Variants in SSBP3 observed in about 807,000 individuals in gnomAD.
SSBP3 encodes single-stranded DNA-binding protein 3.
Under a neutral mutation model 69.6 loss-of-function variants are expected in SSBP3, and 5 were observed. The ratio of observed to expected loss-of-function variants is 0.07; its 90% CI spans 0.04 to 0.15. The LOEUF (loss-of-function observed/expected upper bound fraction) is 0.15. Ranked by LOEUF, SSBP3 falls within the 10% of genes least tolerant of loss-of-function variation. SSBP3 has a pLI of 1.00. For missense variants in SSBP3, 312 were observed against 534.0 expected (o/e 0.58, Z 4.10); for synonymous variants, 196 against 193.4 (o/e 1.01, Z -0.11).
chr1:54,351,659 G>T (rs943565937), intron 4 of SSBP3, among the ~76,000 whole-genome samples: 1 of 152,180 alleles, frequency 6.6e-6, no homozygotes, highest in Non-Finnish European at 1.5e-5. Context: ...CTGGCGTGTG[G>T]GATATTCACC....
chr1:54,324,358 C>T (rs182968391), intron 4 of SSBP3, among the ~76,000 whole-genome samples: 33 of 152,320 alleles, frequency 2.2e-4, no homozygotes, highest in Admixed American at 5.2e-4. Flanking sequence ...CAGCATGAGG[C>T]TCGGCTTCTG....
At chr1:54,271,337 G>A (rs1460910400) in intron 5 of SSBP3, among the ~76,000 whole-genome samples, 2 of 152,154 alleles carry the variant, frequency 1.3e-5, no homozygotes, top group Non-Finnish European at 2.9e-5. Context: ...TTTCAAACTG[G>A]CTGCAAGCGA....
chr1:54,334,631 T>C (rs1646477448), intron 4 of SSBP3, among the ~76,000 whole-genome samples: 1 of 152,244 alleles, frequency 6.6e-6, no homozygotes, highest in Non-Finnish European at 1.5e-5. Context: ...GAGGATCATA[T>C]GACCTACCTC....
chr1:54,322,196 G>C (rs1646225271), intron 4 of SSBP3, among the ~76,000 whole-genome samples: 1 of 152,180 alleles, frequency 6.6e-6, no homozygotes, highest in Non-Finnish European at 1.5e-5. Flanking sequence ...GGGACAGGCT[G>C]ACCAGGCAGG....
At chr1:54,278,119 G>A (rs982381316) in intron 5 of SSBP3, among the ~76,000 whole-genome samples, 8 of 152,140 alleles carry the variant, frequency 5.3e-5, no homozygotes, top group African/African-American at 1.9e-4. Flanking sequence ...AGTCCTCTCT[G>A]TCCTTCCCTG....
intron 4 of SSBP3, among the ~76,000 whole-genome samples, chr1:54,348,547 A>G (rs3855972): frequency 0.26 from 39,183 of 152,048 alleles, 5,270 homozygotes; most frequent in Non-Finnish European, 0.3. Context: ...ATACCAGCCC[A>G]CTTCCGTCCA....
At chr1:54,319,187 T>C (rs1237340198) in intron 4 of SSBP3, among the ~76,000 whole-genome samples, 1 of 152,294 alleles carries the variant, frequency 6.6e-6, no homozygotes, top group Non-Finnish European at 1.5e-5. Flanking sequence ...AGTATCCTTA[T>C]CCGCAGCCTA....
chr1:54,400,999 G>A (rs898615148), intron 4 of SSBP3, among the ~76,000 whole-genome samples: 1 of 152,186 alleles, frequency 6.6e-6, no homozygotes, highest in African/African-American at 2.4e-5. Context: ...ATGCTTAACT[G>A]TCTACAGGGC....
chr1:54,280,344 G>A (rs1007946446), intron 5 of SSBP3, among the ~76,000 whole-genome samples: 18 of 152,194 alleles, frequency 1.2e-4, no homozygotes, highest in Non-Finnish European at 2.9e-5. Flanking sequence ...GGGCCAGAGA[G>A]CCCCCTGCCT....
rs1417703406 is a variant in SSBP3 at position 54,251,612 on chromosome 1, T to C, written c.651+4A>G. ...AGACGGACGGACAGACAGGCGGTGG[T>C]TACCTGTGGGCCGGGACCCATGGGC... On this transcript the variant is annotated splice_donor_region_variant and intron_variant, in intron 9 of 17. Transcript: ENST00000610401. 1 of 1,551,314 alleles carries C rather than the reference T, an allele frequency of 6.4e-7. No homozygotes were observed. Among genetic ancestry groups the C allele is most frequent in the Non-Finnish European group, 8.7e-7 (1 of 1,146,768 alleles).
rs566766514 is a variant in SSBP3, at chr1:54,319,679, G to A, written c.277-38152C>T. On this transcript the variant is annotated intron_variant, in intron 4 of 17. Coordinates refer to ENST00000610401, the Ensembl canonical transcript of SSBP3. ...TTAATGATCAACCTTCCAGGCTGGC[G>A]CGAGCCTTCCAAGGGGACAATGACC... Among the ~76,000 whole-genome samples the A allele has an allele frequency of 4.1e-4, 62 of 152,004 alleles. 1 individual carries two copies. The highest frequency in any genetic ancestry group is 1.9e-3 in the South Asian group (9 of 4,792).
chr1:54,384,518 C>G (rs1051624547), intron 4 of SSBP3, among the ~76,000 whole-genome samples: 2 of 152,232 alleles, frequency 1.3e-5, no homozygotes, highest in African/African-American at 2.4e-5. Flanking sequence ...GCTCTGCCCC[C>G]AGAGGCTCAA....
chr1:54,229,963 TGC>T (rs1329858726), intron 14 of SSBP3, among the ~76,000 whole-genome samples: 1 of 152,172 alleles, frequency 6.6e-6, no homozygotes, highest in East Asian at 1.9e-4. Flanking sequence ...CAGAACCGGC[TGC>T]CTGGAGGAGG....
At chr1:54,226,822 A>G (rs1644292793) in exon 18 of SSBP3, 1 of 317,174 alleles carries the variant, frequency 3.2e-6, no homozygotes, top group Non-Finnish European at 6.0e-6. Flanking sequence ...AAACAACAAA[A>G]AAGTGTCATG....
chr1:54,241,718 T>C (rs1287590206), intron 11 of SSBP3, among the ~76,000 whole-genome samples: 3 of 152,194 alleles, frequency 2.0e-5, no homozygotes, highest in Non-Finnish European at 4.4e-5. Flanking sequence ...CCTGGTCTCT[T>C]ACTCCCCAGT....
chr1:54,268,970 C>T (rs1645147101), intron 5 of SSBP3, among the ~76,000 whole-genome samples: 1 of 152,118 alleles, frequency 6.6e-6, no homozygotes, highest in African/African-American at 2.4e-5. Context: ...TGTGGTCACC[C>T]TACCTGCCTC....
chr1:54,251,361 C>T (rs1019876101), intron 9 of SSBP3, among the ~76,000 whole-genome samples: 1 of 152,204 alleles, frequency 6.6e-6, no homozygotes, highest in Non-Finnish European at 1.5e-5. Context: ...AACTAGAAGG[C>T]CTCAGCTGTC....
chr1:54,388,733 C>T (rs548912053), intron 4 of SSBP3, among the ~76,000 whole-genome samples: 1 of 152,218 alleles, frequency 6.6e-6, no homozygotes, highest in Non-Finnish European at 1.5e-5. Flanking sequence ...CAGGCTCTTA[C>T]ACCCTCAGTG....
At chr1:54,337,014 G>A (rs1453240756) in intron 4 of SSBP3, among the ~76,000 whole-genome samples, 1 of 152,208 alleles carries the variant, frequency 6.6e-6, no homozygotes, top group Non-Finnish European at 1.5e-5. Flanking sequence ...TGTGCAACTG[G>A]TATCTTGACA....
Sources: gnomAD v4.1 joint callset for allele counts (sites outside exome capture counted in the v4.1 genomes callset) on GRCh38, gnomAD v4.1.1 for gene constraint, MANE v1.5 for transcripts, NCBI Gene and HGNC (gene_info 2026-07-23, HGNC 2026-07-21) for gene names.